Variants in RIN3 observed in about 807,000 individuals in gnomAD.
RIN3 encodes the protein RAB5 interacting protein 3.
In RIN3, 54 loss-of-function variants were observed where a neutral mutation model predicts 76.3. The observed-to-expected ratio is 0.71, with a 90% CI of 0.57 to 0.89. RIN3 has a LOEUF of 0.89. Among genes scored for constraint, RIN3 ranks in the 40% least tolerant of loss-of-function variants. The pLI is 0.00. For synonymous variants in RIN3, 576 were observed against 564.0 expected, an observed-to-expected ratio of 1.02 and a Z score of -0.30; for missense variants, 1,256 against 1,322.1, an observed-to-expected ratio of 0.95 and a Z score of 0.78.
rs1206301982 is a variant in RIN3 at position 92,513,985 on chromosome 14, G to A, written c.44+9G>A. The A allele has an allele frequency of 8.1e-7, 1 of 1,235,614 alleles. No homozygotes were observed. The highest frequency in any genetic ancestry group is 1.0e-6 in the Non-Finnish European group (1 of 989,176). The allele number at this position is 1,235,614 out of a possible 1,614,324, so 76.5% of individuals were successfully genotyped here. On this transcript the variant is annotated intron_variant, in intron 1 of 9. Transcript: ENST00000216487. Reference sequence around the variant, plus strand: ...CGCGGGGACCCCACGGGGTAAGTCCGGGCGGCCGCCCCCTCCTCCCTCGCG... The same window carrying A: ...CGCGGGGACCCCACGGGGTAAGTCCAGGCGGCCGCCCCCTCCTCCCTCGCG...
chr14:92,549,020 G>A (rs1406526012), intron 1 of RIN3, among the ~76,000 whole-genome samples: 7 of 151,988 alleles, frequency 4.6e-5, no homozygotes, highest in Admixed American at 2.6e-4. Flanking sequence ...TCCCTCCCAC[G>A]CCGGCCCCTG....
intron 3 of RIN3, among the ~76,000 whole-genome samples, chr14:92,597,516 G>T (rs796308448): frequency 6.6e-6 from 1 of 152,326 alleles, no homozygotes; most frequent in African/African-American, 2.4e-5. Context: ...TTTGAAACCT[G>T]CTTTTTCACT....
At chr14:92,530,430 T>C (rs1244275987) in intron 1 of RIN3, among the ~76,000 whole-genome samples, 1 of 152,204 alleles carries the variant, frequency 6.6e-6, no homozygotes, top group African/African-American at 2.4e-5. Flanking sequence ...AGCAGGGATT[T>C]TTCACTTTCA....
chr14:92,652,749 TGAA>T lies in RIN3; in HGVS notation c.1708_1710del (p.Lys570del), dbSNP rs1165718637. 3.7e-6 allele frequency: 6 copies of T among 1,613,862 alleles called. No homozygotes were observed. The highest frequency in any genetic ancestry group is 1.3e-5 in the African/African-American group (1 of 75,028). The stretch of plus-strand genomic sequence containing the variant: ...CTGGAGCAGTTCAGCAGCCCCAGCG[TGAA>T]GAAGAAGCCCTCCATGATCCTGGGC... On this transcript the variant is annotated inframe_deletion, in exon 6 of 10. Transcript: ENST00000216487. This position sits in a 1 kb window ranked among gnomAD's most constrained non-coding sequence, Gnocchi z 6.4.
chr14:92,651,697 C>T lies in RIN3; in HGVS notation c.648C>T (p.Asp216=), dbSNP rs767921378. The T allele has an allele frequency of 9.9e-6, 16 of 1,613,984 alleles. No homozygotes were observed. The highest frequency in any genetic ancestry group is 4.0e-5 in the African/African-American group (3 of 74,890). Residue 216 remains aspartate (D), a synonymous_variant, in exon 6 of 10, where the codon GAC becomes GAT. Coordinates refer to ENST00000216487, the MANE Select transcript of RIN3 (RefSeq NM_024832.5). ...LVSSLRPTAH[D]ANCACEIELS... ...CCAGCCTCAGGCCCACAGCCCATGA[C>T]GCAAACTGTGCCTGTGAAATCGAGC...
intron 3 of RIN3, chr14:92,586,395 C>T (rs762829501): frequency 6.6e-5 from 10 of 152,206 alleles, no homozygotes; most frequent in Non-Finnish European, 1.2e-4. Flanking sequence ...TTGGTTATTA[C>T]TCATAGAGGT....
intron 1 of RIN3, among the ~76,000 whole-genome samples, chr14:92,550,562 C>T (rs1331096493): frequency 1.1e-4 from 16 of 152,136 alleles, no homozygotes; most frequent in Admixed American, 1.0e-3. Flanking sequence ...ACATGGGGCA[C>T]ACGCCATCAT....
Position 92,688,013 on chromosome 14 carries a change from G to A in RIN3, c.2719G>A (p.Ala907Thr), listed in dbSNP as rs1162676410. 5 of 1,580,704 alleles carry A rather than the reference G, an allele frequency of 3.2e-6. No individual in the cohort carries two copies. The highest frequency in any genetic ancestry group is 2.3e-5 in the East Asian group (1 of 43,354). The part of the protein sequence containing the change: ...RADTQAQALC[A>T]QCAEKFAVER... ...GGACACCCAGGCCCAGGCGCTGTGC[G>A]CGCAGTGCGCGGAGAAGTTCGCGGT... Residue 907 changes from alanine to threonine, a missense_variant, in exon 10 of 10, where the codon GCG becomes ACG. Physicochemically the swap from Ala to Thr is moderately conservative, Grantham distance 58. Around this residue, in one of 3 missense-constraint regions of RIN3, gnomAD observed 218 missense variants for 174.5 expected, o/e 1.25. Coordinates refer to ENST00000216487, the MANE Select transcript of RIN3 (RefSeq NM_024832.5).
At position 92,590,104 on chromosome 14, in the gene RIN3, G is replaced by A. The variant is rs1376417915; in HGVS notation, c.367+12627G>A. 2.0e-5 allele frequency among the ~76,000 whole-genome samples: 3 copies of A among 152,166 alleles called. No homozygotes were observed. In the South Asian group the frequency reaches 6.2e-4, roughly 32 times the overall value. The stretch of plus-strand genomic sequence containing the variant: ...GGACAGGCCTGAGTTAAAACTCCAG[G>A]GAAGCCAGTCATCTAGGGGCCTCCA... On this transcript the variant is annotated intron_variant, in intron 3 of 9. Transcript: ENST00000216487.
intron 1 of RIN3, among the ~76,000 whole-genome samples, chr14:92,554,756 A>T (rs1197381668): frequency 1.3e-5 from 2 of 152,148 alleles, no homozygotes; most frequent in East Asian, 3.9e-4. Context: ...CCCTGTCTCT[A>T]CTAAAAAAAT....
At chr14:92,544,278 C>T (rs1897194679) in intron 1 of RIN3, among the ~76,000 whole-genome samples, 1 of 152,082 alleles carries the variant, frequency 6.6e-6, no homozygotes, top group East Asian at 1.9e-4. Flanking sequence ...CAAATGCCTG[C>T]AGGCCACACC....
At position 92,688,198 on chromosome 14, in the gene RIN3, C is replaced by A. The variant is rs749641510; in HGVS notation, c.2904C>A (p.Gly968=). 7.2e-7 allele frequency: 1 copy of A among 1,380,366 alleles called. No homozygotes were observed. 85.5% of individuals were successfully genotyped at this position (1,380,366 alleles called of 1,614,324 possible). ...ACCGGCCCCTGGACGGTGGTGGCGG[C>A]GGCGGCGGCGGGAGCCCGCCCTGCC... ...FVYRPLDGGG[G]GGGGSPPCLV... Residue 968 remains glycine (G), a synonymous_variant, in exon 10 of 10, where the codon GGC becomes GGA. Coordinates refer to ENST00000216487, the MANE Select transcript of RIN3 (RefSeq NM_024832.5).
intron 5 of RIN3, 70 bp from the exon 6 acceptor site, chr14:92,651,512 A>AAC: frequency 2.7e-6 from 2 of 741,958 alleles, no homozygotes; most frequent in Non-Finnish European, 4.1e-6. Flanking sequence ...CCGCCCACAG[A>AAC]CCCCGCCCAG....
intron 4 of RIN3, among the ~76,000 whole-genome samples, chr14:92,632,627 C>T (rs992560357): frequency 2.0e-5 from 3 of 152,210 alleles, no homozygotes; most frequent in South Asian, 2.1e-4. Flanking sequence ...GTGTGTGACC[C>T]GCAAGCCCCA....
chr14:92,536,061 G>T (rs1896993009), intron 1 of RIN3, among the ~76,000 whole-genome samples: 1 of 152,112 alleles, frequency 6.6e-6, no homozygotes, highest in African/African-American at 2.4e-5. Context: ...CTCTATTTCT[G>T]GACTTTTCTG....
intron 4 of RIN3, chr14:92,615,790 G>A (rs1885935477): frequency 3.0e-6 from 1 of 330,696 alleles, no homozygotes; most frequent in African/African-American, 2.1e-5. Context: ...CCCATTGCAG[G>A]GGTTCTAGAA....
chr14:92,573,669 T>C (rs1410641078), intron 2 of RIN3, among the ~76,000 whole-genome samples: 5 of 152,162 alleles, frequency 3.3e-5, no homozygotes. Flanking sequence ...TTCCATGGGT[T>C]TTTGAAGCTC....
chr14:92,579,012 C>T (rs1431565806), intron 3 of RIN3, among the ~76,000 whole-genome samples: 1 of 151,992 alleles, frequency 6.6e-6, no homozygotes, highest in African/African-American at 2.4e-5. Context: ...ACTGCAACCT[C>T]CGCCTCCCGG....
chr14:92,609,080 C>T lies in RIN3; in HGVS notation c.368-6327C>T, dbSNP rs184957907. 2.6e-5 allele frequency among the ~76,000 whole-genome samples: 4 copies of T among 152,274 alleles called. No individual in the cohort carries two copies. In the East Asian group the frequency reaches 7.7e-4, roughly 29 times the overall value. On this transcript the variant is annotated intron_variant, in intron 3 of 9. Coordinates refer to ENST00000216487, the MANE Select transcript of RIN3 (RefSeq NM_024832.5). ...CAACTCCCCAAAGTCCGTTCTATCA[C>T]TCTTATGCCTTTGCGATCTCATAGC...
Sources: gnomAD v4.1 joint callset for allele counts (sites outside exome capture counted in the v4.1 genomes callset) on GRCh38, gnomAD v4.1.1 for gene constraint, gnomAD v4.1.1 regional missense constraint, Gnocchi (gnomAD v3.1) non-coding constraint, MANE v1.5 for transcripts, NCBI Gene and HGNC (gene_info 2026-07-23, HGNC 2026-07-21) for gene names.